Variants in CLVS1 observed in about 807,000 individuals in gnomAD.
CLVS1 encodes clavesin-1.
CLVS1 carries 10 observed loss-of-function variants against 33.1 expected under a neutral mutation model. The ratio of observed to expected loss-of-function variants is 0.30; its 90% confidence interval spans 0.19 to 0.51. The LOEUF is 0.51. Among genes scored for constraint, CLVS1 ranks in the 20% least tolerant of loss-of-function variants. The probability of loss-of-function intolerance (pLI) is 0.97; values close to 1 mark genes in which losing one functional copy is unlikely to be tolerated. For missense variants in CLVS1, 343 were observed against 433.4 expected, an observed-to-expected ratio of 0.79 and a Z score of 1.85; for synonymous variants, 163 against 166.1, an observed-to-expected ratio of 0.98 and a Z score of 0.14.
the CLVS1 span, among the ~76,000 whole-genome samples, chr8:61,006,179 A>G: frequency 1.3e-5 from 2 of 152,176 alleles, no homozygotes; most frequent in Non-Finnish European, 2.9e-5. Flanking sequence ...GAAGGGACAA[A>G]TCGGAAAGAG....
chr8:61,414,979 G>A (rs1391724084), intron 3 of CLVS1, among the ~76,000 whole-genome samples: 1 of 152,230 alleles, frequency 6.6e-6, no homozygotes, highest in Non-Finnish European at 1.5e-5. Flanking sequence ...GCCACAGAGT[G>A]GCAGTAGTTA....
intron 1 of CLVS1, among the ~76,000 whole-genome samples, chr8:61,103,217 C>A (rs762855693): frequency 1.3e-5 from 2 of 152,176 alleles, no homozygotes; most frequent in Non-Finnish European, 2.9e-5. Context: ...TGAGTTGCTG[C>A]TCTTCCTTGG....
At chr8:61,144,386 CT>C (rs1406319740) in intron 2 of CLVS1, among the ~76,000 whole-genome samples, 1 of 152,094 alleles carries the variant, frequency 6.6e-6, no homozygotes, top group Non-Finnish European at 1.5e-5. Context: ...TTAACTCATC[CT>C]TTTTTATGGC....
intron 2 of CLVS1, among the ~76,000 whole-genome samples, chr8:61,262,860 G>A (rs1404412370): frequency 6.6e-6 from 1 of 152,136 alleles, no homozygotes; most frequent in African/African-American, 2.4e-5. Flanking sequence ...GCAGCAAACA[G>A]CACTCGTTGC....
chr8:60,976,064 G>A, the CLVS1 span, among the ~76,000 whole-genome samples: 2 of 152,156 alleles, frequency 1.3e-5, no homozygotes, highest in Non-Finnish European at 2.9e-5. Flanking sequence ...CCTAGAAGAG[G>A]TACCTCATTG....
At chr8:61,215,004 G>A (rs1217137440) in intron 2 of CLVS1, among the ~76,000 whole-genome samples, 1 of 152,174 alleles carries the variant, frequency 6.6e-6, no homozygotes, top group Non-Finnish European at 1.5e-5. Context: ...TGTTTTAGCT[G>A]TAATTCCTAT....
At chr8:61,268,177 C>G (rs1397684657) in intron 2 of CLVS1, among the ~76,000 whole-genome samples, 1 of 136,758 alleles carries the variant, frequency 7.3e-6, no homozygotes, top group Non-Finnish European at 1.6e-5. Context: ...TCCCCCCACC[C>G]CACAACAGTC....
At chr8:61,243,471 A>T (rs1171323329) in intron 2 of CLVS1, among the ~76,000 whole-genome samples, 1 of 152,174 alleles carries the variant, frequency 6.6e-6, no homozygotes, top group Non-Finnish European at 1.5e-5. Flanking sequence ...TGGTTTCTCC[A>T]GCCTGAAATA....
At chr8:61,004,706 G>A in the CLVS1 span, among the ~76,000 whole-genome samples, 5 of 152,166 alleles carry the variant, frequency 3.3e-5, no homozygotes, top group Admixed American at 6.5e-5. Context: ...TGGAGGAGCC[G>A]GCAGCAGGGC....
chr8:61,165,869 C>T (rs1029523125), intron 2 of CLVS1, among the ~76,000 whole-genome samples: 6 of 152,160 alleles, frequency 3.9e-5, no homozygotes, highest in Admixed American at 3.3e-4. Context: ...TTTTGATTTT[C>T]TATTTTTCAA....
upstream of CLVS1, among the ~76,000 whole-genome samples, chr8:61,055,317 C>T (rs753592425): frequency 6.6e-6 from 1 of 152,182 alleles, no homozygotes; most frequent in Non-Finnish European, 1.5e-5. Flanking sequence ...CCAAATAAGC[C>T]AGGTACACAT....
chr8:61,120,202 G>C (rs1252993087), intron 1 of CLVS1, among the ~76,000 whole-genome samples: 3 of 144,918 alleles, frequency 2.1e-5, no homozygotes, highest in Non-Finnish European at 3.0e-5. Context: ...CGTAGTTCTC[G>C]AGCCTTGGTT....
the CLVS1 span, among the ~76,000 whole-genome samples, chr8:61,030,610 A>C: frequency 6.6e-6 from 1 of 152,186 alleles, no homozygotes; most frequent in Non-Finnish European, 1.5e-5. Flanking sequence ...CTGGGACAGG[A>C]ATCTGCCCAG....
chr8:61,270,387 T>G (rs959212993), intron 2 of CLVS1, among the ~76,000 whole-genome samples: 1 of 152,230 alleles, frequency 6.6e-6, no homozygotes, highest in Non-Finnish European at 1.5e-5. Context: ...GTGGATAAGC[T>G]TTTTGATGTG....
chr8:61,333,430 C>T (rs1811673091), intron 2 of CLVS1, among the ~76,000 whole-genome samples: 2 of 152,268 alleles, frequency 1.3e-5, no homozygotes, highest in African/African-American at 4.8e-5. Flanking sequence ...AGAATAACTG[C>T]AGCCTGCAGG....
intron 3 of CLVS1, among the ~76,000 whole-genome samples, chr8:61,379,752 A>G (rs1279693505): frequency 1.3e-5 from 2 of 152,208 alleles, no homozygotes; most frequent in Non-Finnish European, 2.9e-5. Flanking sequence ...CTACTACAGA[A>G]GAAAGTTGGA....
chr8:61,376,609 T>C lies in CLVS1; in HGVS notation c.460T>C (p.Ser154Pro). Residue 154 changes from serine (S) to proline (P), a missense_variant, in exon 3 of 6, where the codon TCC becomes CCC. Ser to Pro is a moderately conservative substitution (Grantham distance 74). Around this residue, in one of 4 missense-constraint regions of CLVS1, gnomAD observed 166 missense variants for 244.0 expected, o/e 0.68. Coordinates refer to ENST00000325897, the MANE Select transcript of CLVS1 (RefSeq NM_173519.3). ...FAANWDQSRN[S>P]FTDILRAILL... is the part of the protein sequence containing the mutation. ...TCCTTTCTGCTCTGGCTGCAGGAAC[T>C]CCTTCACAGACATCCTTCGTGCCAT... The C allele has an allele frequency of 1.2e-6, 2 of 1,613,460 alleles. No homozygotes were observed. The highest frequency in any genetic ancestry group is 2.2e-5 in the South Asian group (2 of 90,996).
At chr8:61,016,037 G>C in the CLVS1 span, among the ~76,000 whole-genome samples, 1 of 152,204 alleles carries the variant, frequency 6.6e-6, no homozygotes, top group African/African-American at 2.4e-5. Flanking sequence ...AACTTTCTGA[G>C]TGCCAACATG....
intron 3 of CLVS1, among the ~76,000 whole-genome samples, chr8:61,389,929 T>C (rs1393376213): frequency 6.6e-6 from 1 of 152,200 alleles, no homozygotes; most frequent in Non-Finnish European, 1.5e-5. Flanking sequence ...AGTAAAAAAG[T>C]CATTTTATAA....
Sources: allele counts gnomAD v4.1 joint callset (sites outside exome capture counted in the v4.1 genomes callset), GRCh38; gene constraint gnomAD v4.1.1; regional missense constraint gnomAD v4.1.1; transcripts MANE v1.5; gene names NCBI Gene and HGNC (gene_info 2026-07-23, HGNC 2026-07-21).